The following TIAM1 variants were observed in gnomAD, a reference collection of about 807,000 sequenced individuals.
The protein encoded by TIAM1 is TIAM Rac1 associated GEF 1.
In TIAM1, 65 loss-of-function variants were observed where a neutral mutation model predicts 163.5. The observed-to-expected ratio is 0.40, with a 90% confidence interval of 0.33 to 0.49. TIAM1 has a LOEUF of 0.49. TIAM1 is among the 20% of genes least tolerant of loss of function. TIAM1 has a pLI of 0.77. For missense variants in TIAM1, 1,789 were observed against 2,044.7 expected (o/e 0.87, Z 2.41); for synonymous variants, 833 against 810.1 (o/e 1.03, Z -0.48).
chr21:31,279,377 T>C (rs990907082), intron 2 of TIAM1, among the ~76,000 whole-genome samples: 3 of 152,200 alleles, frequency 2.0e-5, no homozygotes, highest in Non-Finnish European at 4.4e-5. Context: ...AGCAGGTTAA[T>C]TGTCTCATGG....
rs368865505 is a variant in TIAM1 at position 31,266,856 on chromosome 21, G to A, written c.117C>T (p.Thr39=). 6.4e-5 allele frequency: 104 copies of A among 1,614,004 alleles called. No individual in the cohort carries two copies. The highest frequency in any genetic ancestry group is 8.3e-5 in the Admixed American group (5 of 60,004). ...SLRLSHKTRR[T]RHASSGKVIH... ...TCACCTTCCCCGAGGAAGCGTGCCT[G>A]GTCCTCCGCGTCTTGTGCGAGAGGC... The change falls in exon 4 of 28, where the codon ACC becomes ACT. Residue 39 remains threonine (T), a synonymous_variant. Coordinates refer to ENST00000541036, the MANE Select transcript of TIAM1 (RefSeq NM_001353694.2).
At chr21:31,405,242 T>C (rs1174120113) in intron 2 of TIAM1, among the ~76,000 whole-genome samples, 1 of 152,032 alleles carries the variant, frequency 6.6e-6, no homozygotes, top group East Asian at 1.9e-4. Context: ...GGCAAGACCG[T>C]GTCTCAAAAA....
At chr21:31,473,791 C>T (rs934913331) in intron 1 of TIAM1, among the ~76,000 whole-genome samples, 6 of 152,108 alleles carry the variant, frequency 3.9e-5, no homozygotes, top group African/African-American at 1.4e-4. Flanking sequence ...GAAATAAGTT[C>T]CATAAAATCA....
At chr21:31,171,903 G>C (rs1329782658) in intron 15 of TIAM1, among the ~76,000 whole-genome samples, 1 of 152,142 alleles carries the variant, frequency 6.6e-6, no homozygotes, top group Non-Finnish European at 1.5e-5. Flanking sequence ...CCATACGTGG[G>C]AGTGAGTAAG....
At chr21:31,301,937 G>T (rs1447040862) in intron 2 of TIAM1, among the ~76,000 whole-genome samples, 1 of 149,362 alleles carries the variant, frequency 6.7e-6, no homozygotes, top group African/African-American at 2.4e-5. Context: ...AAATATATAT[G>T]TAACATATAT....
chr21:31,540,249 G>A (rs1012362639), intron 1 of TIAM1, among the ~76,000 whole-genome samples: 1 of 151,950 alleles, frequency 6.6e-6, no homozygotes, highest in African/African-American at 2.4e-5. Context: ...GCTGGGTGTC[G>A]TGGCATGCGC....
chr21:31,483,872 T>C (rs1012587162), intron 1 of TIAM1, among the ~76,000 whole-genome samples: 8 of 152,124 alleles, frequency 5.3e-5, no homozygotes, highest in African/African-American at 1.7e-4. Flanking sequence ...CAAGTCATTA[T>C]GGAACCCTGG....
At chr21:31,413,532 A>G (rs1010993345) in intron 2 of TIAM1, among the ~76,000 whole-genome samples, 20 of 151,598 alleles carry the variant, frequency 1.3e-4, no homozygotes, top group African/African-American at 4.6e-4. Flanking sequence ...GGCCTCCCAA[A>G]GTGCTGGGAT....
At chr21:31,175,946 T>A (rs1274795354) in intron 15 of TIAM1, among the ~76,000 whole-genome samples, 2 of 152,224 alleles carry the variant, frequency 1.3e-5, no homozygotes, top group Non-Finnish European at 1.5e-5. Flanking sequence ...TTTGCTTTGC[T>A]TTCCTATATT....
At chr21:31,290,306 C>G (rs2073969246) in intron 2 of TIAM1, among the ~76,000 whole-genome samples, 2 of 151,762 alleles carry the variant, frequency 1.3e-5, no homozygotes, top group African/African-American at 4.8e-5. Flanking sequence ...AAAAAAAAAT[C>G]AGGAAAGGCA....
chr21:31,490,577 C>G (rs2046430494), intron 1 of TIAM1, among the ~76,000 whole-genome samples: 1 of 152,148 alleles, frequency 6.6e-6, no homozygotes, highest in African/African-American at 2.4e-5. Context: ...TGCCCAGCCC[C>G]AGCCTGAAAT....
intron 8 of TIAM1, among the ~76,000 whole-genome samples, chr21:31,222,717 T>TA (rs1569057075): frequency 2.1e-5 from 2 of 95,250 alleles, no homozygotes; most frequent in Non-Finnish European, 3.7e-5. Flanking sequence ...ATTTTTTTTT[T>TA]TTTTTTTTTT....
chr21:31,342,592 T>C (rs552404175), intron 1 of TIAM1, among the ~76,000 whole-genome samples: 1 of 152,158 alleles, frequency 6.6e-6, no homozygotes, highest in African/African-American at 2.4e-5. Flanking sequence ...AGCATTATCA[T>C]GAGATCCAAT....
chr21:31,323,561 T>G (rs576289472), intron 2 of TIAM1, among the ~76,000 whole-genome samples: 146 of 152,156 alleles, frequency 9.6e-4, no homozygotes, highest in African/African-American at 3.3e-3. Flanking sequence ...CTGGGTGTGA[T>G]GGCTCATGCC....
At chr21:31,146,361 A>C (rs1234393861) in intron 20 of TIAM1, among the ~76,000 whole-genome samples, 1 of 129,018 alleles carries the variant, frequency 7.8e-6, no homozygotes, top group Non-Finnish European at 1.6e-5. Flanking sequence ...TTGACCTGGG[A>C]GGTGGAGGTT....
intron 1 of TIAM1, among the ~76,000 whole-genome samples, chr21:31,472,318 G>A (rs2045772882): frequency 6.6e-6 from 1 of 152,166 alleles, no homozygotes; most frequent in African/African-American, 2.4e-5. Flanking sequence ...CTTGAAGGCA[G>A]GAGTTTGAGA....
chr21:31,329,008 T>TA (rs552583121), intron 2 of TIAM1, among the ~76,000 whole-genome samples: 90 of 152,300 alleles, frequency 5.9e-4, no homozygotes, highest in African/African-American at 2.2e-3. Flanking sequence ...ACCTAGCATT[T>TA]ATTTTGTTTT....
intron 16 of TIAM1, among the ~76,000 whole-genome samples, chr21:31,156,777 TG>T (rs1457394148): frequency 6.6e-6 from 1 of 152,206 alleles, no homozygotes; most frequent in Non-Finnish European, 1.5e-5. Flanking sequence ...TGATAACAGC[TG>T]ACAACTAACT....
intron 3 of TIAM1, among the ~76,000 whole-genome samples, chr21:31,274,875 G>A (rs1008493907): frequency 6.6e-6 from 1 of 151,880 alleles, no homozygotes; most frequent in Non-Finnish European, 1.5e-5. Flanking sequence ...TTGAGAGGCT[G>A]AGGCAGGTGG....
Sources: gnomAD v4.1 joint callset for allele counts (sites outside exome capture counted in the v4.1 genomes callset) on GRCh38, gnomAD v4.1.1 for gene constraint, MANE v1.5 for transcripts, NCBI Gene and HGNC (gene_info 2026-07-23, HGNC 2026-07-21) for gene names.